PDE4D: variants seen among roughly 807,000 people sequenced by gnomAD.
PDE4D encodes 3',5'-cyclic-AMP phosphodiesterase 4D.
Under a neutral mutation model 87.4 loss-of-function variants are expected in PDE4D, and 24 were observed. The ratio of observed to expected loss-of-function variants is 0.27; its 90% CI spans 0.20 to 0.39. The LOEUF (loss-of-function observed/expected upper bound fraction) is 0.39, where lower values mean the gene tolerates loss of function less well. Ranked by LOEUF, PDE4D falls within the 10% of genes least tolerant of loss-of-function variation. The pLI, the probability that PDE4D is intolerant of heterozygous loss-of-function variation, is 1.00. For synonymous variants in PDE4D, 384 were observed against 383.2 expected (o/e 1.00, Z -0.02); for missense variants, 714 against 1,041.0 (o/e 0.69, Z 4.32).
At chr5:59,491,775 A>G (rs902114902) in intron 1 of PDE4D, among the ~76,000 whole-genome samples, 5 of 152,228 alleles carry the variant, frequency 3.3e-5, no homozygotes, top group Admixed American at 2.6e-4. Flanking sequence ...TATAATGTAT[A>G]AGATATAGAA....
chr5:59,940,775 C>T (rs541804901), intron 3 of PDE4D, among the ~76,000 whole-genome samples: 188 of 152,186 alleles, frequency 1.2e-3, no homozygotes, highest in Non-Finnish European at 2.3e-3. Flanking sequence ...GGAATTAAAA[C>T]TAGGTGTAGA....
At chr5:60,307,346 A>G (rs1307005325) in intron 1 of PDE4D, among the ~76,000 whole-genome samples, 2 of 152,220 alleles carry the variant, frequency 1.3e-5, no homozygotes, top group East Asian at 3.8e-4. Context: ...TAGACAAGAA[A>G]GACAAATGAC....
At chr5:59,411,949 G>A (rs1051300178) in intron 1 of PDE4D, among the ~76,000 whole-genome samples, 8 of 152,036 alleles carry the variant, frequency 5.3e-5, no homozygotes, top group African/African-American at 1.2e-4. Flanking sequence ...TAATGGATTC[G>A]CTCACTTATT....
chr5:60,386,055 CA>C (rs905358834), intron 1 of PDE4D, among the ~76,000 whole-genome samples: 1 of 149,048 alleles, frequency 6.7e-6, no homozygotes, highest in Middle Eastern at 3.4e-3. Context: ...AAGCCCAATG[CA>C]AAAAAAAGAG....
At chr5:59,631,537 C>T (rs1303538152) in intron 1 of PDE4D, among the ~76,000 whole-genome samples, 1 of 152,080 alleles carries the variant, frequency 6.6e-6, no homozygotes, top group African/African-American at 2.4e-5. Flanking sequence ...GCATTTCCAA[C>T]TGAGGTACCC....
intron 1 of PDE4D, among the ~76,000 whole-genome samples, chr5:60,208,349 C>T (rs368222353): frequency 6.6e-6 from 1 of 152,226 alleles, no homozygotes; most frequent in East Asian, 1.9e-4. Flanking sequence ...TCTGGAAGTA[C>T]CTTGGTGTGT....
At chr5:59,784,584 T>C (rs977251483) in intron 1 of PDE4D, among the ~76,000 whole-genome samples, 6 of 152,190 alleles carry the variant, frequency 3.9e-5, no homozygotes, top group Non-Finnish European at 7.4e-5. Flanking sequence ...GCTATTAACA[T>C]AGGAATTAGG....
In PDE4D at chr5:60,441,646, A is replaced by C. The variant is rs568745377; in HGVS notation, c.-90+46296T>G. 1.1e-4 allele frequency among the ~76,000 whole-genome samples: 17 copies of C among 152,348 alleles called. No homozygotes were observed. The South Asian group carries it at 3.3e-3, about 30-fold the overall frequency. On this transcript the variant is annotated intron_variant, in intron 1 of 16. Transcript: ENST00000502484. ...AAAAGAAACTATCATCAGAGTGAAC[A>C]GGCACCCTACAGAGTGGGAGAAAAT... is the stretch of plus-strand genomic sequence containing the variant.
At chr5:59,371,446 C>T (rs1783923970) in intron 1 of PDE4D, among the ~76,000 whole-genome samples, 1 of 152,158 alleles carries the variant, frequency 6.6e-6, no homozygotes. Flanking sequence ...TCCCAGTATT[C>T]AAGACACTGG....
At chr5:59,829,525 G>C (rs761330732) in intron 1 of PDE4D, among the ~76,000 whole-genome samples, 14 of 151,944 alleles carry the variant, frequency 9.2e-5, no homozygotes, top group South Asian at 2.1e-4. Flanking sequence ...CTTCCGGTTT[G>C]TCAGGGATCC....
At chr5:59,926,147 T>A (rs964622507) in intron 3 of PDE4D, among the ~76,000 whole-genome samples, 2 of 151,628 alleles carry the variant, frequency 1.3e-5, no homozygotes, top group South Asian at 4.2e-4. Context: ...TTAAAAAAAA[T>A]TGAAATAATA....
At chr5:59,762,371 C>CAT (rs528637368) in intron 1 of PDE4D, among the ~76,000 whole-genome samples, 4,659 of 73,910 alleles carry the variant, frequency 0.063, 1,020 homozygotes, top group African/African-American at 0.19. Context: ...TATGGGTACA[C>CAT]ATGTGTATAT....
chr5:60,322,788 C>G (rs1562323625), intron 1 of PDE4D, among the ~76,000 whole-genome samples: 1 of 152,194 alleles, frequency 6.6e-6, no homozygotes, highest in African/African-American at 2.4e-5. Flanking sequence ...AGTTTTGTCT[C>G]TCTGTTCTCA....
At chr5:59,884,883 C>T (rs199834500) in intron 1 of PDE4D, among the ~76,000 whole-genome samples, 1 of 151,348 alleles carries the variant, frequency 6.6e-6, no homozygotes, top group Non-Finnish European at 1.5e-5. Context: ...ATTTCTTTGT[C>T]TGTCAGGTAG....
rs1051866446 is a variant in PDE4D at position 59,780,351 on chromosome 5, A to G, written c.455+112817T>C. ...ACTGCACTCCATCCTGGAAATGGGA[A>G]GATGTATTTCACATTGCTTCTGAGT... On this transcript the variant is annotated intron_variant, in intron 1 of 14. Transcript: ENST00000340635. 2.0e-5 allele frequency among the ~76,000 whole-genome samples: 3 copies of G among 152,188 alleles called. No individual in the cohort carries two copies. In the East Asian group the frequency reaches 5.8e-4, roughly 29 times the overall value.
chr5:59,076,249 G>A (rs1765668070), intron 5 of PDE4D, among the ~76,000 whole-genome samples: 1 of 152,098 alleles, frequency 6.6e-6, no homozygotes, highest in African/African-American at 2.4e-5. Flanking sequence ...ACATGTAAGA[G>A]GAGCTCCTTG....
At chr5:60,264,088 A>G (rs1749931771) in intron 1 of PDE4D, among the ~76,000 whole-genome samples, 1 of 152,156 alleles carries the variant, frequency 6.6e-6, no homozygotes, top group Admixed American at 6.6e-5. Flanking sequence ...CAGAAACCAG[A>G]TGTGAACTTA....
At chr5:59,409,247 A>G (rs1040912003) in intron 1 of PDE4D, among the ~76,000 whole-genome samples, 3 of 152,096 alleles carry the variant, frequency 2.0e-5, no homozygotes, top group Non-Finnish European at 1.5e-5. Flanking sequence ...ACAGGCTCAT[A>G]AGTGGGAGGA....
intron 1 of PDE4D, among the ~76,000 whole-genome samples, chr5:60,228,745 C>A (rs1410794236): frequency 1.3e-5 from 2 of 151,814 alleles, no homozygotes; most frequent in African/African-American, 2.4e-5. Context: ...AACAAAAAAA[C>A]AAAAAGCCAC....
Sources: gnomAD v4.1 joint callset for allele counts (sites outside exome capture counted in the v4.1 genomes callset) on GRCh38, gnomAD v4.1.1 for gene constraint, MANE v1.5 for transcripts, NCBI Gene and HGNC (gene_info 2026-07-23, HGNC 2026-07-21) for gene names.